The following KLHL30 variants were observed in gnomAD, a reference collection of about 807,000 sequenced individuals.
KLHL30 encodes the protein kelch-like protein 30.
Under a neutral mutation model 55.0 loss-of-function variants are expected in KLHL30, and 55 were observed. The ratio of observed to expected loss-of-function variants is 1.00; its 90% CI spans 0.80 to 1.25. The LOEUF is 1.25. KLHL30 is among the 50% of genes most tolerant of loss of function. The pLI is 0.00. For synonymous variants in KLHL30, 356 were observed against 372.6 expected (o/e 0.96, Z 0.51); for missense variants, 786 against 811.6 (o/e 0.97, Z 0.38).
chr2:238,139,942 C>T (rs1051793614), intron 1 of KLHL30, among the ~76,000 whole-genome samples: 1 of 152,224 alleles, frequency 6.6e-6, no homozygotes, highest in Non-Finnish European at 1.5e-5. Context: ...ACCATGCGGG[C>T]GTGGTGACGC....
Position 238,152,065 on chromosome 2 carries a change from A to G in KLHL30, c.*1000A>G, listed in dbSNP as rs1692765687. On this transcript the variant is annotated 3_prime_UTR_variant, in exon 8 of 8. Coordinates refer to ENST00000409223, the MANE Select transcript of KLHL30 (RefSeq NM_198582.4). ...ATGAAGGACTCTCCCTGGGTGCCCA[A>G]TGGCGTGTCCCTCCTGTCACAGGCT... 31 of 985,376 alleles carry G rather than the reference A, an allele frequency of 3.1e-5. No individual in the cohort carries two copies. The highest frequency in any genetic ancestry group is 3.5e-5 in the Non-Finnish European group (29 of 829,974). The allele number at this position is 985,376 out of a possible 1,614,324, so 61.0% of individuals were successfully genotyped here.
chr2:238,150,996 C>T lies in KLHL30; in HGVS notation c.1668C>T (p.His556=), dbSNP rs770391681. The T allele has an allele frequency of 2.3e-5, 37 of 1,589,124 alleles. No individual in the cohort carries two copies. The highest frequency in any genetic ancestry group is 1.7e-4 in the Middle Eastern group (1 of 6,026). ...CCCTGCCCCGGCTCTGGCTCTACCA[C>T]GGGGCCTCCACCGTCTTCCTGGATG... ...HGALPRLWLY[H]GASTVFLDVS... The change falls in exon 8 of 8, where the codon CAC becomes CAT. Residue 556 remains histidine (H), a synonymous_variant. Coordinates refer to ENST00000409223, the MANE Select transcript of KLHL30 (RefSeq NM_198582.4).
At chr2:238,143,035 G>GGGAGCTGTGTGAGGCCCC in intron 3 of KLHL30, 104 bp downstream of exon 3, 1 of 1,330,728 alleles carries the variant, frequency 7.5e-7, no homozygotes, top group South Asian at 2.0e-5. Context: ...GCAGAGGACC[G>GGGAGCTGTGTGAGGCCCC]GGAGCTGTGT....
chr2:238,139,807 C>T (rs570271578), intron 1 of KLHL30, among the ~76,000 whole-genome samples: 1 of 152,346 alleles, frequency 6.6e-6, no homozygotes, highest in Non-Finnish European at 1.5e-5. Flanking sequence ...TGGGGTGACC[C>T]GGGTCGAAGG....
rs1398794600 is a variant in KLHL30 at position 238,147,288 on chromosome 2, A to G, written c.1151-546A>G. 6.6e-6 allele frequency among the ~76,000 whole-genome samples: 1 copy of G among 152,050 alleles called. No individual in the cohort carries two copies. The highest frequency in any genetic ancestry group is 1.5e-5 in the Non-Finnish European group (1 of 67,984). ...TCTCTCAGTGGCTACCGTGTCCCCA[A>G]CCAGAGAGCAGAAAGCACCCAGGGC... On this transcript the variant is annotated intron_variant, in intron 5 of 7. Coordinates refer to ENST00000409223, the MANE Select transcript of KLHL30 (RefSeq NM_198582.4). This position sits in a 1 kb window ranked among gnomAD's most constrained non-coding sequence, Gnocchi z 5.8.
intron 3 of KLHL30, among the ~76,000 whole-genome samples, chr2:238,144,440 C>CAGGA (rs1692610288): frequency 1.1e-5 from 1 of 90,816 alleles, no homozygotes; most frequent in African/African-American, 4.1e-5. Context: ...GGAAGGCAGG[C>CAGGA]AGGCAGGCAG....
At chr2:238,149,454 G>T (rs1014531978) in intron 7 of KLHL30, among the ~76,000 whole-genome samples, 1 of 152,202 alleles carries the variant, frequency 6.6e-6, no homozygotes, top group African/African-American at 2.4e-5. Context: ...GGCGCAGGCT[G>T]AGATCCCCCC....
rs1317414285 is a variant in KLHL30 at position 238,145,744 on chromosome 2, G to T, written c.1062G>T (p.Glu354Asp). 1 of 1,600,084 alleles carries T rather than the reference G, an allele frequency of 6.2e-7. No individual in the cohort carries two copies. The highest frequency in any genetic ancestry group is 8.5e-7 in the Non-Finnish European group (1 of 1,174,564). Residue 354 changes from glutamate (E) to aspartate (D), a missense_variant, in exon 5 of 8, where the codon GAG becomes GAT. By Grantham distance (45) the Glu-to-Asp change is conservative. Transcript: ENST00000409223. ...AGGCCTGGTGCTTCCCCCTGAAGGA[G>T]GCCTCCTGGAAGCCCGTGGCGCCCA... ...TTQAWCFPLK[E>D]ASWKPVAPML...
At position 238,140,958 on chromosome 2, in the gene KLHL30, G is replaced by A. The variant is rs1369773495; in HGVS notation, c.204G>A (p.Glu68=). 1.9e-6 allele frequency: 3 copies of A among 1,612,050 alleles called. No individual in the cohort carries two copies. Among genetic ancestry groups the A allele is most frequent in the Admixed American group, 1.7e-5 (1 of 60,018 alleles). The change falls in exon 2 of 8, where the codon GAG becomes GAA. Residue 68 remains glutamate, a synonymous_variant. Transcript: ENST00000409223. ...FHAMFAGDFA[E]SFSARVELRD... is the part of the protein sequence containing the mutation. ...CCATGTTTGCGGGTGACTTCGCCGAGAGCTTCTCTGCGCGCGTGGAGCTGC... is the reference window on the plus strand; with the variant it reads ...CCATGTTTGCGGGTGACTTCGCCGAAAGCTTCTCTGCGCGCGTGGAGCTGC...
At chr2:238,144,447 G>A (rs1223122889) in intron 3 of KLHL30, among the ~76,000 whole-genome samples, 13 of 113,270 alleles carry the variant, frequency 1.1e-4, no homozygotes, top group African/African-American at 3.4e-4. Flanking sequence ...AGGCAGGCAG[G>A]CAGGCAGGCA....
chr2:238,141,159 C>G lies in KLHL30; in HGVS notation c.405C>G (p.Cys135Trp). Reference protein sequence around the residue: ...YLQQQLDAANCLGICEFGEQQ... With the variant: ...YLQQQLDAANWLGICEFGEQQ... ...AGCAGCAACTGGATGCCGCCAACTGCCTGGGCATCTGTGAGTTCGGGGAGC... is the reference window on the plus strand; with the variant it reads ...AGCAGCAACTGGATGCCGCCAACTGGCTGGGCATCTGTGAGTTCGGGGAGC... The change falls in exon 2 of 8, where the codon TGC (cysteine) becomes TGG (tryptophan). Residue 135 changes from cysteine to tryptophan, a missense_variant. Coordinates refer to ENST00000409223, the MANE Select transcript of KLHL30 (RefSeq NM_198582.4). 1 of 1,611,900 alleles carries G rather than the reference C, an allele frequency of 6.2e-7. No homozygotes were observed.
Position 238,141,250 on chromosome 2 carries a change from G to A in KLHL30, c.496G>A (p.Ala166Thr), listed in dbSNP as rs937436169. 3 of 1,606,556 alleles carry A rather than the reference G, an allele frequency of 1.9e-6. No homozygotes were observed. The highest frequency in any genetic ancestry group is 1.3e-5 in the African/African-American group (1 of 74,936). Residue 166 changes from alanine to threonine, a missense_variant, in exon 2 of 8, where the codon GCA becomes ACA. Coordinates refer to ENST00000409223, the MANE Select transcript of KLHL30 (RefSeq NM_198582.4). ...CCTGCGAGAGAACTTTGAGGCTGTG[G>A]CACGTGAGGACGAGTTCCTGCAGCT... ...AFLRENFEAV[A>T]REDEFLQLPR...
chr2:238,143,628 G>C (rs1245864648), intron 3 of KLHL30, among the ~76,000 whole-genome samples: 1 of 152,240 alleles, frequency 6.6e-6, no homozygotes, highest in Non-Finnish European at 1.5e-5. Flanking sequence ...TGGCTGGTGT[G>C]GGGCCACCAG....
chr2:238,141,178 G>C lies in KLHL30; in HGVS notation c.424G>C (p.Gly142Arg), dbSNP rs375543545. 10 of 1,611,852 alleles carry C rather than the reference G, an allele frequency of 6.2e-6. No homozygotes were observed. Among genetic ancestry groups the C allele is most frequent in the Admixed American group, 1.7e-5 (1 of 59,966 alleles). Residue 142 changes from glycine to arginine, a missense_variant, in exon 2 of 8, where the codon GGG (glycine) becomes CGG (arginine). By Grantham distance (125) the Gly-to-Arg change is moderately radical (BLOSUM62 -2). Transcript: ENST00000409223. ...CAACTGCCTGGGCATCTGTGAGTTC[G>C]GGGAGCAGCAAGGGCTGCTGGGCGT... ...AANCLGICEF[G>R]EQQGLLGVAA... is the part of the protein sequence containing the mutation.
In KLHL30 at chr2:238,147,945, G is replaced by C. The variant is rs769587093; in HGVS notation, c.1262G>C (p.Arg421Pro). The C allele has an allele frequency of 1.0e-5, 16 of 1,586,240 alleles. No homozygotes were observed. Among genetic ancestry groups the C allele is most frequent in the Middle Eastern group, 3.4e-4 (2 of 5,970 alleles). The change falls in exon 6 of 8, where the codon CGG becomes CCG. Residue 421 changes from arginine (R) to proline (P), a missense_variant. Transcript: ENST00000409223. The surrounding 1 kb of genome is among the most constrained non-coding windows in gnomAD (Gnocchi z 5.8). ...AGCAACTTCTCGGCTGCCGGCTGCC[G>C]GGGCCGGCTCTACCTGGTGGGCTCC... ...YVSNFSAAGC[R>P]GRLYLVGSSA...
At chr2:238,142,199 C>T (rs1299878808) in intron 2 of KLHL30, among the ~76,000 whole-genome samples, 1 of 152,202 alleles carries the variant, frequency 6.6e-6, no homozygotes, top group Admixed American at 6.5e-5. Flanking sequence ...AGTCCGGGGA[C>T]AAAGAGTGGC....
rs568359786 is a variant in KLHL30, at chr2:238,141,345, C to T, written c.591C>T (p.Leu197=). The change falls in exon 2 of 8, where the codon CTC becomes CTT. Residue 197 remains leucine, a synonymous_variant. Transcript: ENST00000409223. ...AGGTACAGCCGGAGCAAAGCCGACT[C>T]GAGGCCCTGATGCGCTGGGTGCGCC... ...LLQVQPEQSR[L]EALMRWVRHD... 21 of 1,596,372 alleles carry T rather than the reference C, an allele frequency of 1.3e-5. No individual in the cohort carries two copies. Among genetic ancestry groups the T allele is most frequent in the African/African-American group, 6.7e-5 (5 of 74,748 alleles).
rs767930115 is a variant in KLHL30, at chr2:238,144,930, C to T, written c.936C>T (p.Pro312=). 3.3e-5 allele frequency: 53 copies of T among 1,611,378 alleles called. No homozygotes were observed. Among genetic ancestry groups the T allele is most frequent in the Middle Eastern group, 3.3e-4 (2 of 6,084 alleles). The change falls in exon 4 of 8, where the codon CCC becomes CCT. Residue 312 remains proline, a synonymous_variant. Coordinates refer to ENST00000409223, the MANE Select transcript of KLHL30 (RefSeq NM_198582.4). The part of the protein sequence containing the change: ...AKRWMALPDF[P]DYHKWGFSLA... ...GGTGGATGGCACTTCCAGACTTCCC[C>T]GACTATCACAAGTGGGGTTTCTCCC...
chr2:238,150,100 G>T (rs997392536), intron 7 of KLHL30, among the ~76,000 whole-genome samples: 3 of 152,130 alleles, frequency 2.0e-5, no homozygotes, highest in African/African-American at 7.2e-5. Flanking sequence ...TGCAGGGTGG[G>T]CCCTGCCAGG....
Sources: allele counts gnomAD v4.1 joint callset (sites outside exome capture counted in the v4.1 genomes callset), GRCh38; gene constraint gnomAD v4.1.1; non-coding constraint Gnocchi (gnomAD v3.1); transcripts MANE v1.5; gene names NCBI Gene and HGNC (gene_info 2026-07-23, HGNC 2026-07-21).